DENND1B: variants seen among roughly 807,000 people sequenced by gnomAD.
The protein encoded by DENND1B is DENN domain-containing protein 1B.
Under a neutral mutation model 90.1 loss-of-function variants are expected in DENND1B, and 59 were observed. The observed-to-expected ratio is 0.65, with a 90% CI of 0.53 to 0.81. The LOEUF is 0.81. DENND1B is among the 40% of genes least tolerant of loss of function. DENND1B has a pLI of 0.00. For missense variants in DENND1B, 862 were observed against 912.6 expected (o/e 0.94, Z 0.71); for synonymous variants, 337 against 324.6 (o/e 1.04, Z -0.41).
At chr1:197,590,238 T>C (rs1675074708) in intron 14 of DENND1B, among the ~76,000 whole-genome samples, 1 of 152,164 alleles carries the variant, frequency 6.6e-6, no homozygotes, top group Non-Finnish European at 1.5e-5. Flanking sequence ...GAAGCATCAT[T>C]ACTTTTTTTT....
intron 2 of DENND1B, among the ~76,000 whole-genome samples, chr1:197,737,455 T>C (rs568251780): frequency 3.9e-5 from 6 of 152,318 alleles, no homozygotes; most frequent in African/African-American, 1.2e-4. Context: ...AGCAGCTCTT[T>C]CTAAACACTT....
intron 15 of DENND1B, among the ~76,000 whole-genome samples, chr1:197,575,942 C>T (rs919268897): frequency 6.6e-6 from 1 of 151,910 alleles, no homozygotes; most frequent in African/African-American, 2.4e-5. Flanking sequence ...CAGGTAGGGG[C>T]CTGGGGGAGG....
chr1:197,589,781 A>AT (rs1299960038), intron 14 of DENND1B, among the ~76,000 whole-genome samples: 1 of 152,124 alleles, frequency 6.6e-6, no homozygotes, highest in Non-Finnish European at 1.5e-5. Flanking sequence ...AAAGTAACTT[A>AT]TTTTTTATCC....
chr1:197,670,457 G>GTGTGTGTGTA (rs1208878291), intron 5 of DENND1B, among the ~76,000 whole-genome samples: 1 of 149,426 alleles, frequency 6.7e-6, no homozygotes, highest in Non-Finnish European at 1.5e-5. Context: ...GTGTGTGTGT[G>GTGTGTGTGTA]TGTGTGTGTG....
chr1:197,690,730 TA>T (rs1471088268), intron 3 of DENND1B: 1 of 152,884 alleles, frequency 6.5e-6, no homozygotes, highest in Non-Finnish European at 1.5e-5. Flanking sequence ...AGTTTAATAG[TA>T]AAAAACTGAT....
rs532404845 is a variant in DENND1B, at chr1:197,588,199, T to C, written c.1048-4946A>G. Among the ~76,000 whole-genome samples the C allele has an allele frequency of 2.0e-5, 3 of 152,320 alleles. No individual in the cohort carries two copies. The East Asian group carries it at 5.8e-4, about 29-fold the overall frequency. ...CTAGTTACTATATGAATTATTTATA[T>C]AGAATAATTAAGCCACAAGTAAGTT... On this transcript the variant is annotated intron_variant, in intron 14 of 22. Transcript: ENST00000620048.
chr1:197,611,434 A>G (rs1395546962), intron 12 of DENND1B, among the ~76,000 whole-genome samples: 1 of 150,834 alleles, frequency 6.6e-6, no homozygotes, highest in Admixed American at 6.6e-5. Context: ...ATTCCCCAAC[A>G]GAACTGAAAA....
chr1:197,544,925 A>G (rs372364997), intron 18 of DENND1B, among the ~76,000 whole-genome samples: 21 of 456 alleles, frequency 0.046, 1 homozygote, highest in South Asian at 0.062. Context: ...AGAAGAAGAA[A>G]AGAGAAGAAG....
At chr1:197,679,021 C>T (rs1357886656) in intron 3 of DENND1B, among the ~76,000 whole-genome samples, 1 of 151,966 alleles carries the variant, frequency 6.6e-6, no homozygotes, top group African/African-American at 2.4e-5. Flanking sequence ...TCTGTGAATT[C>T]CAACACTAAA....
chr1:197,729,245 T>C (rs945475160), intron 2 of DENND1B, among the ~76,000 whole-genome samples: 3 of 152,210 alleles, frequency 2.0e-5, no homozygotes, highest in African/African-American at 4.8e-5. Context: ...CAAATTTTAA[T>C]GTACACTTCA....
chr1:197,587,837 G>A (rs1674841907), intron 14 of DENND1B, among the ~76,000 whole-genome samples: 2 of 152,128 alleles, frequency 1.3e-5, no homozygotes, highest in South Asian at 4.2e-4. Context: ...TCAATCAGTG[G>A]GAGCCCTGAG....
chr1:197,570,251 C>A (rs1171394573), intron 15 of DENND1B, among the ~76,000 whole-genome samples: 4 of 150,300 alleles, frequency 2.7e-5, no homozygotes, highest in East Asian at 3.9e-4. Flanking sequence ...AAAATTTAAA[C>A]CAGGCTATAC....
intron 18 of DENND1B, among the ~76,000 whole-genome samples, chr1:197,544,941 G>A (rs201794308): frequency 3.5e-3 from 1 of 286 alleles, no homozygotes; most frequent in Admixed American, 0.033. Flanking sequence ...AGAAGAAGAA[G>A]GGAGAAGAGA....
intron 15 of DENND1B, among the ~76,000 whole-genome samples, chr1:197,574,159 T>G (rs1398955008): frequency 6.6e-6 from 1 of 152,132 alleles, no homozygotes; most frequent in Non-Finnish European, 1.5e-5. Flanking sequence ...TTGTCCCTAT[T>G]TGCAGATGAC....
chr1:197,650,044 A>G (rs1195485843), intron 7 of DENND1B, among the ~76,000 whole-genome samples: 1 of 152,160 alleles, frequency 6.6e-6, no homozygotes, highest in Admixed American at 6.5e-5. Flanking sequence ...TGAGCTAAGG[A>G]CATGAATAGA....
intron 2 of DENND1B, among the ~76,000 whole-genome samples, chr1:197,736,954 A>ATAC (rs1662752051): frequency 6.6e-6 from 1 of 152,226 alleles, no homozygotes; most frequent in Admixed American, 6.5e-5. Context: ...AGATTTCTCA[A>ATAC]TACTAGCATT....
At chr1:197,619,625 C>T (rs1021715646) in intron 10 of DENND1B, among the ~76,000 whole-genome samples, 5 of 150,920 alleles carry the variant, frequency 3.3e-5, no homozygotes, top group Admixed American at 2.6e-4. Context: ...TATTTAATAC[C>T]TCACTTTATT....
At chr1:197,605,256 A>C (rs1021524236) in intron 13 of DENND1B, among the ~76,000 whole-genome samples, 1 of 150,978 alleles carries the variant, frequency 6.6e-6, no homozygotes, top group African/African-American at 2.4e-5. Flanking sequence ...CATATATTTA[A>C]ATACTTACAT....
At chr1:197,742,369 A>G (rs1184551963) in intron 2 of DENND1B, among the ~76,000 whole-genome samples, 2 of 152,154 alleles carry the variant, frequency 1.3e-5, no homozygotes, top group East Asian at 1.9e-4. Context: ...ACCCACTTAT[A>G]TAATACTCTA....
Sources: allele counts gnomAD v4.1 joint callset (sites outside exome capture counted in the v4.1 genomes callset), GRCh38; gene constraint gnomAD v4.1.1; transcripts MANE v1.5; gene names NCBI Gene and HGNC (gene_info 2026-07-23, HGNC 2026-07-21).